Variants in SLC16A14 observed in about 807,000 individuals in gnomAD.
SLC16A14 encodes the protein solute carrier family 16 member 14, also known as monocarboxylate transporter 14.
In SLC16A14, 14 loss-of-function variants were observed where a neutral mutation model predicts 35.8. The observed-to-expected ratio is 0.39, with a 90% CI of 0.26 to 0.61. SLC16A14 has a LOEUF of 0.61. SLC16A14 is among the 20% of genes least tolerant of loss of function. The pLI, the probability that SLC16A14 is intolerant of heterozygous loss-of-function variation, is 0.51. For synonymous variants in SLC16A14, 248 were observed against 258.9 expected, an observed-to-expected ratio of 0.96 and a Z score of 0.40; for missense variants, 533 against 655.0, an observed-to-expected ratio of 0.81 and a Z score of 2.03.
chr2:230,064,157 C>G (rs541548176), intron 1 of SLC16A14, among the ~76,000 whole-genome samples: 3 of 151,652 alleles, frequency 2.0e-5, no homozygotes, highest in Non-Finnish European at 4.4e-5. Flanking sequence ...AAAATAAAAG[C>G]TACCTTTAAA....
chr2:230,059,278 G>T lies in SLC16A14; in HGVS notation c.75C>A (p.His25Gln), dbSNP rs771534485. Residue 25 changes from histidine (H) to glutamine (Q), a missense_variant, in exon 2 of 5, where the codon CAC becomes CAA. By Grantham distance (24) the His-to-Gln change is conservative (BLOSUM62 0). Transcript: ENST00000295190. ...AAGCCCATCCGCCATCAATGTTTGG[G>T]TGGGGCTTCAGTGTCTTTTTGTCTT... is the stretch of plus-strand genomic sequence containing the variant. ...GPKDKKTLKPHPNIDGGWAWM... is the reference protein window; with the variant it reads ...GPKDKKTLKPQPNIDGGWAWM... 24 of 1,613,812 alleles carry T rather than the reference G, an allele frequency of 1.5e-5. No individual in the cohort carries two copies. The highest frequency in any genetic ancestry group is 1.7e-6 in the Non-Finnish European group (2 of 1,179,834).
chr2:230,042,330 A>G (rs796209908), intron 4 of SLC16A14, among the ~76,000 whole-genome samples: 1 of 152,204 alleles, frequency 6.6e-6, no homozygotes, highest in African/African-American at 2.4e-5. Context: ...TCCACTCAAG[A>G]AAGCTCACTA....
intron 2 of SLC16A14, among the ~76,000 whole-genome samples, chr2:230,051,638 T>C (rs1206508433): frequency 6.6e-6 from 1 of 152,258 alleles, no homozygotes; most frequent in African/African-American, 2.4e-5. Context: ...TTAATTATCT[T>C]ATTTTTGATC....
intron 1 of SLC16A14, chr2:230,067,218 G>A (rs1339591078): frequency 1.3e-5 from 2 of 154,576 alleles, no homozygotes; most frequent in African/African-American, 2.4e-5. Flanking sequence ...GAGAAGGCTG[G>A]GGAGCGGAGC....
chr2:230,062,348 C>CTTT (rs374870184), intron 1 of SLC16A14, among the ~76,000 whole-genome samples: 16 of 127,650 alleles, frequency 1.3e-4, no homozygotes, highest in African/African-American at 3.5e-4. Context: ...TTGTTTTTAC[C>CTTT]TTTTTTTTTT....
chr2:230,038,235 A>G lies in SLC16A14; in HGVS notation c.1382-704T>C, dbSNP rs1399652233. 2.0e-5 allele frequency among the ~76,000 whole-genome samples: 3 copies of G among 152,262 alleles called. No homozygotes were observed. Among genetic ancestry groups the G allele is most frequent in the African/African-American group, 7.2e-5 (3 of 41,478 alleles). ...CAGCTTAATATAATAATCTTATTAG[A>G]CATTCTGTAAAATACCACTATATTT... On this transcript the variant is annotated intron_variant, in intron 4 of 4. Transcript: ENST00000295190. The surrounding 1 kb of genome is among the most constrained non-coding windows in gnomAD (Gnocchi z 4.4).
chr2:230,044,728 GTGTGTGTGTA>G (rs1490420634), intron 4 of SLC16A14, among the ~76,000 whole-genome samples: 2,054 of 100,402 alleles, frequency 0.02, 45 homozygotes, highest in African/African-American at 0.058. Context: ...GTGTGTGTGT[GTGTGTGTGTA>G]TGTGTGTGTG....
At chr2:230,061,773 G>T (rs1179806392) in intron 1 of SLC16A14, among the ~76,000 whole-genome samples, 7 of 138,038 alleles carry the variant, frequency 5.1e-5, no homozygotes, top group Non-Finnish European at 7.7e-5. Flanking sequence ...ACAGAGTGTT[G>T]CTCTGTCACC....
chr2:230,060,486 G>A (rs570675600), intron 1 of SLC16A14, among the ~76,000 whole-genome samples: 1 of 151,796 alleles, frequency 6.6e-6, no homozygotes, highest in African/African-American at 2.4e-5. Flanking sequence ...GGGACTACAG[G>A]TACATGCCAC....
intron 2 of SLC16A14, among the ~76,000 whole-genome samples, chr2:230,052,494 G>C (rs949387536): frequency 1.3e-5 from 2 of 151,990 alleles, no homozygotes; most frequent in Admixed American, 6.6e-5. Context: ...TTTGCTGTTT[G>C]TAGCCTTTTC....
At chr2:230,064,076 G>T (rs1453963093) in intron 1 of SLC16A14, among the ~76,000 whole-genome samples, 1 of 147,484 alleles carries the variant, frequency 6.8e-6, no homozygotes, top group Non-Finnish European at 1.5e-5. Context: ...CAGCCTGGGA[G>T]ACAAAGTGAG....
intron 4 of SLC16A14, among the ~76,000 whole-genome samples, chr2:230,043,277 TAGTC>T (rs2077574560): frequency 6.6e-6 from 1 of 152,226 alleles, no homozygotes; most frequent in Non-Finnish European, 1.5e-5. Context: ...TTTAAACCTT[TAGTC>T]AGCCAACTGC....
At chr2:230,050,123 A>C (rs1331162404) in intron 2 of SLC16A14, among the ~76,000 whole-genome samples, 2 of 152,220 alleles carry the variant, frequency 1.3e-5, no homozygotes, top group African/African-American at 4.8e-5. Flanking sequence ...GGAAAGGCAG[A>C]CCTGAAATAA....
At chr2:230,049,580 G>A (rs1231068557) in intron 3 of SLC16A14, among the ~76,000 whole-genome samples, 181 bp downstream of exon 3, 1 of 152,178 alleles carries the variant, frequency 6.6e-6, no homozygotes, top group Non-Finnish European at 1.5e-5. Flanking sequence ...CCCCACTTAA[G>A]GCATATTAAA....
chr2:230,044,758 G>A (rs986881388), intron 4 of SLC16A14, among the ~76,000 whole-genome samples: 4 of 146,630 alleles, frequency 2.7e-5, no homozygotes, highest in Non-Finnish European at 6.0e-5. Context: ...GTGTGTGTGT[G>A]TGTGTAGATG....
At chr2:230,054,987 C>T (rs540602482) in intron 2 of SLC16A14, among the ~76,000 whole-genome samples, 5 of 151,946 alleles carry the variant, frequency 3.3e-5, no homozygotes, top group African/African-American at 1.2e-4. Flanking sequence ...ATGATTAGAA[C>T]GTAAAAACCA....
chr2:230,054,963 C>T (rs1348766977), intron 2 of SLC16A14, among the ~76,000 whole-genome samples: 2 of 151,608 alleles, frequency 1.3e-5, no homozygotes, highest in East Asian at 3.9e-4. Context: ...ACAGGTAGCC[C>T]AAATGTGCTT....
chr2:230,064,867 G>A (rs549621288), intron 1 of SLC16A14, among the ~76,000 whole-genome samples: 96 of 152,114 alleles, frequency 6.3e-4, no homozygotes, highest in African/African-American at 1.7e-3. Flanking sequence ...AAAATTAGCC[G>A]GGTGTGGTGG....
chr2:230,039,607 T>C lies in SLC16A14; in HGVS notation c.1382-2076A>G, dbSNP rs574281831. ...TGCAGAGTGATCTGTATCTGCAGAA[T>C]ACATGATGGGAATAACTGTAATCTA... On this transcript the variant is annotated intron_variant, in intron 4 of 4. Transcript: ENST00000295190. Among the ~76,000 whole-genome samples the C allele has an allele frequency of 3.9e-5, 6 of 152,332 alleles. No individual in the cohort carries two copies. In the South Asian group the frequency reaches 1.2e-3, roughly 32 times the overall value.
Sources: gnomAD v4.1 joint callset for allele counts (sites outside exome capture counted in the v4.1 genomes callset) on GRCh38, gnomAD v4.1.1 for gene constraint, Gnocchi (gnomAD v3.1) non-coding constraint, MANE v1.5 for transcripts, NCBI Gene and HGNC (gene_info 2026-07-23, HGNC 2026-07-21) for gene names.